CHD9: variants seen among roughly 807,000 people sequenced by gnomAD.
CHD9 encodes chromodomain helicase DNA binding protein 9.
A neutral mutation model predicts 316.1 loss-of-function variants in CHD9; 77 were observed. The ratio of observed to expected loss-of-function variants is 0.24; its 90% CI spans 0.20 to 0.29. The LOEUF (loss-of-function observed/expected upper bound fraction) is 0.29. Ranked by LOEUF, CHD9 falls within the 10% of genes least tolerant of loss-of-function variation. The probability of loss-of-function intolerance (pLI) is 1.00; values close to 1 mark genes in which losing one functional copy is unlikely to be tolerated. For missense variants in CHD9, 2,763 were observed against 3,438.1 expected, an observed-to-expected ratio of 0.80 and a Z score of 4.91; for synonymous variants, 1,129 against 1,158.3, an observed-to-expected ratio of 0.97 and a Z score of 0.51.
intron 36 of CHD9, among the ~76,000 whole-genome samples, chr16:53,315,621 G>A (rs903098537): frequency 3.9e-5 from 6 of 151,986 alleles, no homozygotes; most frequent in Non-Finnish European, 8.8e-5. Flanking sequence ...TGGGACCACA[G>A]GTGCACACCA....
intron 2 of CHD9, among the ~76,000 whole-genome samples, chr16:53,184,635 A>G (rs529988090): frequency 1.1e-4 from 16 of 152,260 alleles, no homozygotes; most frequent in South Asian, 4.1e-4. Flanking sequence ...ATGAGCCACA[A>G]TGGAGTGGTG....
At chr16:53,198,791 G>A (rs780745539) in intron 2 of CHD9, among the ~76,000 whole-genome samples, 1 of 152,102 alleles carries the variant, frequency 6.6e-6, no homozygotes, top group Non-Finnish European at 1.5e-5. Context: ...ATTGAATCTT[G>A]TCACATAGAT....
chr16:53,296,017 A>T (rs1391431500), intron 29 of CHD9, among the ~76,000 whole-genome samples: 2 of 152,098 alleles, frequency 1.3e-5, no homozygotes, highest in Admixed American at 6.6e-5. Context: ...GTCAATCTGG[A>T]ATACTCATCT....
At chr16:53,114,345 C>A (rs1330298856) in intron 1 of CHD9, among the ~76,000 whole-genome samples, 2 of 151,912 alleles carry the variant, frequency 1.3e-5, no homozygotes, top group African/African-American at 2.4e-5. Context: ...GCAACCTCTG[C>A]CTCCCAGGTT....
At chr16:53,323,969 C>A (rs931349690) in intron 38 of CHD9, 51 bp from the exon 39 acceptor site, 7 of 1,440,504 alleles carry the variant, frequency 4.9e-6, no homozygotes, top group Non-Finnish European at 6.7e-6. Context: ...GCTAATAACT[C>A]TTTATTTTAT....
At chr16:53,236,392 A>T (rs2152935785) in intron 11 of CHD9, among the ~76,000 whole-genome samples, 1 of 152,186 alleles carries the variant, frequency 6.6e-6, no homozygotes, top group South Asian at 2.1e-4. Flanking sequence ...ATCCACAGTT[A>T]TTCTTACCAC....
intron 1 of CHD9, among the ~76,000 whole-genome samples, chr16:53,103,867 T>C (rs141866427): frequency 1.4e-4 from 22 of 152,334 alleles, no homozygotes; most frequent in African/African-American, 4.6e-4. Context: ...TTGCATTTCA[T>C]AGAGGCAGCT....
intron 1 of CHD9, among the ~76,000 whole-genome samples, chr16:53,146,419 G>GTGTGTATATA (rs1555492145): frequency 3.9e-5 from 3 of 76,704 alleles, no homozygotes; most frequent in African/African-American, 1.8e-4. Flanking sequence ...GTGTGTGTAT[G>GTGTGTATATA]TATATATATA....
At chr16:53,073,274 A>G (rs1596882034) in intron 1 of CHD9, among the ~76,000 whole-genome samples, 1 of 152,116 alleles carries the variant, frequency 6.6e-6, no homozygotes, top group Non-Finnish European at 1.5e-5. Flanking sequence ...TAGCGTGATG[A>G]CCTCAAGGTT....
intron 2 of CHD9, among the ~76,000 whole-genome samples, chr16:53,206,844 C>G (rs1422706482): frequency 1.3e-5 from 2 of 151,910 alleles, no homozygotes; most frequent in African/African-American, 4.8e-5. Context: ...CTGTTATTAC[C>G]CTATTATTAA....
intron 2 of CHD9, among the ~76,000 whole-genome samples, chr16:53,204,736 CAT>C (rs1227873000): frequency 3.9e-5 from 6 of 152,088 alleles, no homozygotes; most frequent in African/African-American, 1.4e-4. Flanking sequence ...ATCAAAATAA[CAT>C]ATCACATATG....
chr16:53,082,264 A>C (rs2035096068), intron 1 of CHD9, among the ~76,000 whole-genome samples: 1 of 149,930 alleles, frequency 6.7e-6, no homozygotes, highest in African/African-American at 2.5e-5. Flanking sequence ...GTATGTCAGC[A>C]TCTTGCCCTG....
intron 2 of CHD9, among the ~76,000 whole-genome samples, chr16:53,166,807 A>G (rs1189593765): frequency 6.6e-6 from 1 of 151,678 alleles, no homozygotes; most frequent in Non-Finnish European, 1.5e-5. Context: ...TATGTAAGGA[A>G]TACTTTACAA....
rs973449129 is a variant in CHD9 at position 53,273,637 on chromosome 16, C to T, written c.4729C>T (p.Pro1577Ser). 6.2e-7 allele frequency: 1 copy of T among 1,607,592 alleles called. No homozygotes were observed. Among genetic ancestry groups the T allele is most frequent in the East Asian group, 2.2e-5 (1 of 44,664 alleles). The change falls in exon 23 of 39, where the codon CCT becomes TCT. Residue 1577 changes from proline (P) to serine (S), a missense_variant. By Grantham distance (74) the Pro-to-Ser change is moderately conservative. Coordinates refer to ENST00000447540, the MANE Select transcript of CHD9 (RefSeq NM_001308319.2). The stretch of plus-strand genomic sequence containing the variant: ...CCTTATTTTAACAGGCCTATCAGCT[C>T]CTGTACCCAGGGGTCGAAAAGGGAA... ...ELQNHLGLSA[P>S]VPRGRKGKKV...
chr16:53,212,717 A>C (rs1453025483), intron 3 of CHD9, among the ~76,000 whole-genome samples: 1 of 152,144 alleles, frequency 6.6e-6, no homozygotes, highest in Non-Finnish European at 1.5e-5. Flanking sequence ...ATGGGGTTAA[A>C]TTCTTTGCCT....
In CHD9 at chr16:53,105,362, G is replaced by A. The variant is rs183523389; in HGVS notation, c.-165+50285G>A. 2.1e-4 allele frequency among the ~76,000 whole-genome samples: 32 copies of A among 151,998 alleles called. No homozygotes were observed. In the East Asian group the frequency reaches 5.2e-3, roughly 25 times the overall value. ...TATAAGCAAATACGGTTTTATGTGC[G>A]TATTTTTGTTTTGCCTTTTTTTTGT... On this transcript the variant is annotated intron_variant, in intron 1 of 38. Transcript: ENST00000447540.
rs529554568 is a variant in CHD9, at chr16:53,115,100, T to C, written c.-164-40826T>C. On this transcript the variant is annotated intron_variant, in intron 1 of 38. Transcript: ENST00000447540. ...TAACTTAGGTTACTTGAATGCCTCT[T>C]TTCTTTCCTGAGAGGTTGATTTTTC... Among the ~76,000 whole-genome samples the C allele has an allele frequency of 3.9e-5, 6 of 152,340 alleles. No individual in the cohort carries two copies. The South Asian group carries it at 1.2e-3, about 32-fold the overall frequency.
chr16:53,132,429 A>G (rs139181152), intron 1 of CHD9, among the ~76,000 whole-genome samples: 232 of 152,342 alleles, frequency 1.5e-3, no homozygotes, highest in African/African-American at 5.3e-3. Flanking sequence ...ATCTTAAACG[A>G]AAAGAAGGCT....
At chr16:53,279,771 G>C (rs2053226430) in intron 24 of CHD9, among the ~76,000 whole-genome samples, 1 of 151,932 alleles carries the variant, frequency 6.6e-6, no homozygotes, top group African/African-American at 2.4e-5. Context: ...TTCATAATCT[G>C]TACATCTGAC....
Sources: gnomAD v4.1 joint callset for allele counts (sites outside exome capture counted in the v4.1 genomes callset) on GRCh38, gnomAD v4.1.1 for gene constraint, MANE v1.5 for transcripts, NCBI Gene and HGNC (gene_info 2026-07-23, HGNC 2026-07-21) for gene names.